Variants in PDGFRL observed in about 807,000 individuals in gnomAD.
PDGFRL encodes platelet-derived growth factor receptor-like protein.
In PDGFRL, 46 loss-of-function variants were observed where a neutral mutation model predicts 37.2. The ratio of observed to expected loss-of-function variants is 1.24; its 90% CI spans 0.98 to 1.58. The LOEUF (loss-of-function observed/expected upper bound fraction) is 1.58, where lower values mean the gene tolerates loss of function less well. Among genes scored for constraint, PDGFRL ranks in the 40% most tolerant of loss-of-function variants. The pLI, the probability that PDGFRL is intolerant of heterozygous loss-of-function variation, is 0.00. For synonymous variants in PDGFRL, 251 were observed against 184.3 expected (o/e 1.36, Z -2.93); for missense variants, 692 against 467.6 (o/e 1.48, Z -4.43).
At chr8:17,586,701 C>T (rs1585299192) in intron 1 of PDGFRL, among the ~76,000 whole-genome samples, 2 of 152,302 alleles carry the variant, frequency 1.3e-5, no homozygotes, top group South Asian at 2.1e-4. Context: ...ATGCTAATTT[C>T]AGCAGTTTTG....
chr8:17,612,880 G>C (rs1804449705), intron 2 of PDGFRL, among the ~76,000 whole-genome samples: 1 of 152,078 alleles, frequency 6.6e-6, no homozygotes, highest in South Asian at 2.1e-4. Flanking sequence ...CTAATCTGTT[G>C]TGAATATTTT....
chr8:17,628,873 C>A, intron 4 of PDGFRL, 93 bp downstream of exon 4: 2 of 775,976 alleles, frequency 2.6e-6, no homozygotes, highest in East Asian at 2.6e-5. Context: ...TAAGGAAGCT[C>A]CATGAGTGCC....
At chr8:17,600,676 G>A (rs921907629) in intron 2 of PDGFRL, among the ~76,000 whole-genome samples, 1 of 151,794 alleles carries the variant, frequency 6.6e-6, no homozygotes, top group South Asian at 2.1e-4. Context: ...GGTGGTACAT[G>A]CCTGTAGTTG....
chr8:17,611,846 G>C (rs1056075261), intron 2 of PDGFRL, among the ~76,000 whole-genome samples: 1 of 152,244 alleles, frequency 6.6e-6, no homozygotes, highest in Admixed American at 6.5e-5. Flanking sequence ...TGATTTGTCA[G>C]CTGACAGAGG....
intron 2 of PDGFRL, among the ~76,000 whole-genome samples, chr8:17,612,457 G>C (rs144916952): frequency 2.0e-4 from 30 of 152,052 alleles, no homozygotes; most frequent in African/African-American, 6.5e-4. Context: ...CTGCACCTCT[G>C]CCTCCCGGGT....
At chr8:17,617,161 CTT>C (rs1350928173) in intron 2 of PDGFRL, among the ~76,000 whole-genome samples, 1 of 152,182 alleles carries the variant, frequency 6.6e-6, no homozygotes, top group Non-Finnish European at 1.5e-5. Flanking sequence ...AATTTGAACA[CTT>C]TCACTTTGAA....
intron 2 of PDGFRL, among the ~76,000 whole-genome samples, chr8:17,609,665 A>T (rs6984451): frequency 0.23 from 21,929 of 97,392 alleles, 2,242 homozygotes; most frequent in South Asian, 0.28. Context: ...AAAAAAAAAA[A>T]TAAGAGCCAA....
At chr8:17,630,498 T>C (rs1005313810) in intron 4 of PDGFRL, among the ~76,000 whole-genome samples, 1 of 152,226 alleles carries the variant, frequency 6.6e-6, no homozygotes, top group African/African-American at 2.4e-5. Flanking sequence ...AGCCTCATTC[T>C]GGTTTCTAAG....
intron 2 of PDGFRL, among the ~76,000 whole-genome samples, chr8:17,603,368 T>G (rs559613252): frequency 6.6e-6 from 1 of 152,308 alleles, no homozygotes; most frequent in African/African-American, 2.4e-5. Flanking sequence ...CATGCCCCTG[T>G]CCCCTGCTGG....
At chr8:17,640,053 G>T (rs1205256334) in intron 5 of PDGFRL, among the ~76,000 whole-genome samples, 1 of 152,044 alleles carries the variant, frequency 6.6e-6, no homozygotes, top group Non-Finnish European at 1.5e-5. Flanking sequence ...TCTTTCTTCT[G>T]GTTGTTCAGT....
intron 4 of PDGFRL, among the ~76,000 whole-genome samples, chr8:17,629,940 C>G (rs1355749823): frequency 6.6e-6 from 1 of 152,168 alleles, no homozygotes; most frequent in Non-Finnish European, 1.5e-5. Context: ...CTGGGTCCCA[C>G]CACATCAGTA....
At chr8:17,635,983 ATTTG>A (rs1804963338) in intron 5 of PDGFRL, among the ~76,000 whole-genome samples, 1 of 151,980 alleles carries the variant, frequency 6.6e-6, no homozygotes, top group Non-Finnish European at 1.5e-5. Context: ...TTTCTTGCTG[ATTTG>A]TTTGAGTTCC....
intron 3 of PDGFRL, among the ~76,000 whole-genome samples, chr8:17,626,964 G>A (rs1389644032): frequency 6.6e-6 from 1 of 152,218 alleles, no homozygotes; most frequent in South Asian, 2.1e-4. Context: ...GCCAAGCCGA[G>A]AGCAGACCTG....
rs1379775831 is a variant in PDGFRL at position 17,577,952 on chromosome 8, C to CA, written c.55+645_55+646insA. 2.6e-5 allele frequency among the ~76,000 whole-genome samples: 4 copies of CA among 151,936 alleles called. No individual in the cohort carries two copies. In the East Asian group the frequency reaches 5.9e-4, roughly 22 times the overall value. On this transcript the variant is annotated intron_variant, in intron 1 of 5. Coordinates refer to ENST00000251630, the MANE Select transcript of PDGFRL (RefSeq NM_001372073.1). The stretch of plus-strand genomic sequence containing the variant: ...AAGAAAATGCATTTTTTTGGTACAG[C>CA]TTATGGGACCATGACCGCTGCGCGT...
intron 3 of PDGFRL, among the ~76,000 whole-genome samples, chr8:17,627,989 C>CTTTTTTTTT (rs35707610): frequency 7.8e-4 from 70 of 89,244 alleles, no homozygotes; most frequent in Non-Finnish European, 9.1e-4. Flanking sequence ...TTCTTTCTTT[C>CTTTTTTTTT]TTTTTTTTTT....
Position 17,637,034 on chromosome 8 carries a change from T to A in PDGFRL, c.939+2821T>A, listed in dbSNP as rs183213322. ...TTTTGGAGGAGTCTTTAGGGTTTTC[T>A]AGGTATATGATTACATCATCAGCAA... On this transcript the variant is annotated intron_variant, in intron 5 of 5. Transcript: ENST00000251630. Among the ~76,000 whole-genome samples the A allele has an allele frequency of 3.6e-3, 541 of 152,290 alleles. 4 individuals are homozygous for A. The highest frequency in any genetic ancestry group is 0.012 in the African/African-American group (510 of 41,560).
At chr8:17,628,312 G>T (rs935701125) in intron 3 of PDGFRL, among the ~76,000 whole-genome samples, 175 bp from the exon 4 acceptor site, 2 of 152,020 alleles carry the variant, frequency 1.3e-5, no homozygotes, top group African/African-American at 4.8e-5. Flanking sequence ...TCTTTAAGGA[G>T]ACAGGAAGTT....
chr8:17,628,372 C>T, intron 3 of PDGFRL, 115 bp from the exon 4 acceptor site: 1 of 726,258 alleles, frequency 1.4e-6, no homozygotes, highest in South Asian at 1.8e-5. Context: ...AAAGAAAACC[C>T]GGCCTTTCCT....
chr8:17,580,552 A>G (rs1055621295), intron 1 of PDGFRL, among the ~76,000 whole-genome samples: 3 of 152,156 alleles, frequency 2.0e-5, no homozygotes, highest in Non-Finnish European at 2.9e-5. Context: ...TTTCAAACCT[A>G]GACAAGGTTT....
Sources: gnomAD v4.1 joint callset for allele counts (sites outside exome capture counted in the v4.1 genomes callset) on GRCh38, gnomAD v4.1.1 for gene constraint, MANE v1.5 for transcripts, NCBI Gene and HGNC (gene_info 2026-07-23, HGNC 2026-07-21) for gene names.